Variants in TPST2 observed in about 807,000 individuals in gnomAD.
TPST2 encodes tyrosylprotein sulfotransferase 2, also known as protein-tyrosine sulfotransferase 2.
Under a neutral mutation model 27.8 loss-of-function variants are expected in TPST2, and 16 were observed. The observed-to-expected ratio is 0.58, with a 90% CI of 0.39 to 0.88. The LOEUF (loss-of-function observed/expected upper bound fraction) is 0.88, where lower values mean the gene tolerates loss of function less well. Ranked by LOEUF, TPST2 falls within the 40% of genes least tolerant of loss-of-function variation. TPST2 has a pLI of 0.00. For synonymous variants in TPST2, 229 were observed against 231.7 expected (o/e 0.99, Z 0.10); for missense variants, 464 against 543.1 (o/e 0.85, Z 1.45).
In TPST2 at chr22:26,536,393, G is replaced by A. The variant is rs775245757; in HGVS notation, c.936C>T (p.Asp312=). ...CCAGCATGGGGGCGATCTGGGCCAT[G>A]TCCCGCACCACATCCCCAGGGATGT... ...TGHIPGDVVR[D]MAQIAPMLAQ... The change falls in exon 4 of 7, where the codon GAC becomes GAT. Residue 312 remains aspartate, a synonymous_variant. Transcript: ENST00000338754. 1.5e-5 allele frequency: 24 copies of A among 1,601,094 alleles called. No homozygotes were observed. Among genetic ancestry groups the A allele is most frequent in the South Asian group, 6.7e-5 (6 of 90,000 alleles).
intron 6 of TPST2, among the ~76,000 whole-genome samples, chr22:26,526,785 T>C (rs1411343709): frequency 1.3e-5 from 2 of 152,168 alleles, no homozygotes; most frequent in African/African-American, 4.8e-5. Context: ...GGAATAGAAC[T>C]ATGGGATCTT....
chr22:26,561,443 A>T (rs1362343335), intron 1 of TPST2, among the ~76,000 whole-genome samples: 1 of 152,212 alleles, frequency 6.6e-6, no homozygotes, highest in Non-Finnish European at 1.5e-5. Context: ...TGCACAGCAC[A>T]AATTAGTTAT....
At chr22:26,557,948 G>A (rs1926887107) in intron 1 of TPST2, among the ~76,000 whole-genome samples, 1 of 151,018 alleles carries the variant, frequency 6.6e-6, no homozygotes, top group Admixed American at 6.6e-5. Flanking sequence ...TTGGGAGGCT[G>A]AGGCCAGAGG....
At chr22:26,564,695 A>C (rs1927296709) in intron 1 of TPST2, among the ~76,000 whole-genome samples, 1 of 152,166 alleles carries the variant, frequency 6.6e-6, no homozygotes, top group Non-Finnish European at 1.5e-5. Context: ...TGTTACTTTT[A>C]TTCAACTTAC....
intron 1 of TPST2, among the ~76,000 whole-genome samples, chr22:26,579,460 G>T (rs1928000317): frequency 6.6e-6 from 1 of 152,198 alleles, no homozygotes; most frequent in East Asian, 1.9e-4. Flanking sequence ...GCGTGGAAAG[G>T]GTGTGGGTTG....
intron 1 of TPST2, among the ~76,000 whole-genome samples, chr22:26,565,921 A>T (rs1176180640): frequency 1.3e-5 from 2 of 152,212 alleles, no homozygotes; most frequent in Admixed American, 1.3e-4. Context: ...GAGATTTCAT[A>T]AAATTGATAG....
At chr22:26,551,796 T>G (rs1174120370) in intron 1 of TPST2, among the ~76,000 whole-genome samples, 1 of 151,830 alleles carries the variant, frequency 6.6e-6, no homozygotes, top group Admixed American at 6.6e-5. Context: ...AAGAGTGTCA[T>G]GGGAACTATG....
chr22:26,570,029 AAGAAAGAAAGAAAGAC>A lies in TPST2; in HGVS notation c.-161+20008_-161+20023del, dbSNP rs1569193900. 1.8e-3 allele frequency among the ~76,000 whole-genome samples: 222 copies of A among 126,754 alleles called. 1 individual carries two copies. The highest frequency in any genetic ancestry group is 2.3e-3 in the African/African-American group (65 of 28,690). The allele number at this position is 126,754 out of a possible 152,430, so 83.2% of individuals were successfully genotyped here. ...AAAGAAAGAAAGAAAGAAAGAAAGA[AAGAAAGAAAGAAAGAC>A]AGAAAGAAAGAAAGAAAGAAGGAAA... On this transcript the variant is annotated intron_variant, in intron 1 of 6. Transcript: ENST00000338754.
intron 1 of TPST2, among the ~76,000 whole-genome samples, chr22:26,569,018 C>A (rs1161623426): frequency 1.3e-5 from 2 of 152,046 alleles, no homozygotes; most frequent in African/African-American, 4.8e-5. Flanking sequence ...CGCCCACCAC[C>A]ACGCTCAGCT....
intron 1 of TPST2, among the ~76,000 whole-genome samples, chr22:26,578,800 G>A (rs569383492): frequency 6.6e-6 from 1 of 151,714 alleles, no homozygotes; most frequent in African/African-American, 2.4e-5. Context: ...AACTCTCTGG[G>A]CCTCAGTTTC....
At chr22:26,550,826 G>A (rs1569185423) in intron 1 of TPST2, among the ~76,000 whole-genome samples, 1 of 152,226 alleles carries the variant, frequency 6.6e-6, no homozygotes, top group Non-Finnish European at 1.5e-5. Context: ...CTGACCTATT[G>A]CGGGGGGAAG....
chr22:26,575,863 A>T (rs976454678), intron 1 of TPST2, among the ~76,000 whole-genome samples: 2 of 151,906 alleles, frequency 1.3e-5, no homozygotes, highest in African/African-American at 4.8e-5. Flanking sequence ...GGGCCTGGTG[A>T]TGTGTGCTTG....
chr22:26,568,981 A>G (rs1927490783), intron 1 of TPST2, among the ~76,000 whole-genome samples: 1 of 148,312 alleles, frequency 6.7e-6, no homozygotes. Context: ...CTCCTGCCTC[A>G]GCCTCCCGAG....
At position 26,559,663 on chromosome 22, in the gene TPST2, T is replaced by C. The variant is rs541418330; in HGVS notation, c.-160-14988A>G. ...GAATCACACAAAGCATGTTCTTTAA[T>C]GACCAGCTTTTTCCACTTAGCACAC... On this transcript the variant is annotated intron_variant, in intron 1 of 6. Transcript: ENST00000338754. 2.6e-5 allele frequency among the ~76,000 whole-genome samples: 4 copies of C among 152,364 alleles called. No homozygotes were observed. In the East Asian group the frequency reaches 7.7e-4, roughly 29 times the overall value.
chr22:26,541,145 C>T lies in TPST2; in HGVS notation c.486G>A (p.Thr162=), dbSNP rs940474636. 49 of 1,606,738 alleles carry T rather than the reference C, an allele frequency of 3.0e-5. No homozygotes were observed. The highest frequency in any genetic ancestry group is 6.6e-5 in the South Asian group (6 of 90,282). ...GCGACAGGTAGACCGAGGACTTGAG[C>T]GTAAATGGGTCCTTGTTGCAGAGCA... ...ARVLCNKDPF[T]LKSSVYLSRL... Residue 162 remains threonine (T), a synonymous_variant, in exon 3 of 7, where the codon ACG becomes ACA. Coordinates refer to ENST00000338754, the MANE Select transcript of TPST2 (RefSeq NM_003595.5). This position sits in a 1 kb window ranked among gnomAD's most constrained non-coding sequence, Gnocchi z 5.9.
At chr22:26,527,387 C>T (rs1389242994) in intron 6 of TPST2, among the ~76,000 whole-genome samples, 2 of 152,178 alleles carry the variant, frequency 1.3e-5, no homozygotes, top group Admixed American at 6.6e-5. Context: ...GGTTTCCAAG[C>T]ACTCCCACCT....
chr22:26,553,106 G>T (rs1210695715), intron 1 of TPST2, among the ~76,000 whole-genome samples: 1 of 146,522 alleles, frequency 6.8e-6, no homozygotes, highest in Non-Finnish European at 1.5e-5. Flanking sequence ...AGCAGCACCT[G>T]CCCTCAGTGC....
In TPST2 at chr22:26,541,861, G is replaced by A; in HGVS notation, c.-88-143C>T. The A allele has an allele frequency of 2.4e-6, 2 of 827,584 alleles. No homozygotes were observed. Among genetic ancestry groups the A allele is most frequent in the Non-Finnish European group, 3.5e-6 (2 of 572,526 alleles). 51.3% of individuals were successfully genotyped at this position (827,584 alleles called of 1,614,324 possible). A position where few individuals can be genotyped will look rare whatever the true frequency, so the allele number is the denominator to read the frequency against. On this transcript the variant is annotated intron_variant, in intron 2 of 6. Coordinates refer to ENST00000338754, the MANE Select transcript of TPST2 (RefSeq NM_003595.5). The surrounding 1 kb of genome is among the most constrained non-coding windows in gnomAD (Gnocchi z 5.9). ...TTTCATAAGCACTAGCTGTGTGCCT[G>A]GCACCCTGCTGGGCACTTTTTTCAA...
chr22:26,559,554 C>T (rs9613207), intron 1 of TPST2, among the ~76,000 whole-genome samples: 65,502 of 151,868 alleles, frequency 0.43, 14,274 homozygotes, highest in East Asian at 0.52. Flanking sequence ...AAACTGTAAC[C>T]CCCTTCTCCT....
Sources: allele counts gnomAD v4.1 joint callset (sites outside exome capture counted in the v4.1 genomes callset), GRCh38; gene constraint gnomAD v4.1.1; non-coding constraint Gnocchi (gnomAD v3.1); transcripts MANE v1.5; gene names NCBI Gene and HGNC (gene_info 2026-07-23, HGNC 2026-07-21).